LAMA3: variants seen among roughly 807,000 people sequenced by gnomAD.
LAMA3 encodes laminin subunit alpha-3.
Under a neutral mutation model 402.0 loss-of-function variants are expected in LAMA3, and 281 were observed. That is an observed-to-expected ratio of 0.70 (90% CI 0.63 to 0.77). The LOEUF (loss-of-function observed/expected upper bound fraction) is 0.77. Ranked by LOEUF, LAMA3 falls within the 30% of genes least tolerant of loss-of-function variation. The pLI is 0.00. For synonymous variants in LAMA3, 1,431 were observed against 1,558.4 expected, an observed-to-expected ratio of 0.92 and a Z score of 1.93; for missense variants, 3,840 against 4,215.5, an observed-to-expected ratio of 0.91 and a Z score of 2.47.
chr18:23,858,936 T>G (rs1346836072), intron 34 of LAMA3, 107 bp downstream of exon 34: 3 of 1,201,562 alleles, frequency 2.5e-6, no homozygotes, highest in Non-Finnish European at 3.7e-6. Context: ...AATTCTTGTT[T>G]CCTGAATTCG....
Position 23,946,218 on chromosome 18 carries a change from T to A in LAMA3, c.9285T>A (p.Pro3095=), listed in dbSNP as rs367887473. ...TGAGGGCCCGGGAGGGAAGTTTGCCTGGAAACTCCACCATCAGCATCAGAG... is the reference window on the plus strand; with the variant it reads ...TGAGGGCCCGGGAGGGAAGTTTGCCAGGAAACTCCACCATCAGCATCAGAG... ...DGLRAREGSL[P]GNSTISIRAP... Residue 3095 remains proline (P), a synonymous_variant, in exon 70 of 75, where the codon CCT becomes CCA. Transcript: ENST00000313654. 2.7e-5 allele frequency: 43 copies of A among 1,613,954 alleles called. No individual in the cohort carries two copies. The highest frequency in any genetic ancestry group is 3.2e-5 in the Non-Finnish European group (38 of 1,179,984).
chr18:23,911,062 C>T (rs1001317006), intron 55 of LAMA3, among the ~76,000 whole-genome samples: 9 of 136,998 alleles, frequency 6.6e-5, no homozygotes, highest in Non-Finnish European at 4.4e-5. Flanking sequence ...TATTCTTCTC[C>T]CTCCCTTTCC....
rs1044223188 is a variant in LAMA3 at position 23,952,934 on chromosome 18, A to G, written c.9737-56A>G. ...GGAGTTAAAACAAAGTCAATGGTGTAGACATTAAGCAGGGCTCACCTCCGA... is the reference window on the plus strand; with the variant it reads ...GGAGTTAAAACAAAGTCAATGGTGTGGACATTAAGCAGGGCTCACCTCCGA... On this transcript the variant is annotated intron_variant, in intron 73 of 74. Transcript: ENST00000313654. 3.1e-6 allele frequency: 5 copies of G among 1,611,428 alleles called. No homozygotes were observed. The Admixed American group carries it at 6.7e-5, about 21-fold the overall frequency.
At chr18:23,704,600 G>A (rs916630848) in intron 1 of LAMA3, among the ~76,000 whole-genome samples, 2 of 152,218 alleles carry the variant, frequency 1.3e-5, no homozygotes, top group Non-Finnish European at 2.9e-5. Context: ...TTTTGGTAAT[G>A]TGCAGTGGTT....
intron 4 of LAMA3, among the ~76,000 whole-genome samples, chr18:23,750,432 GTTTTTTTTTTTTTTTTTTTTT>G (rs66582854): frequency 1.3e-3 from 42 of 33,032 alleles, no homozygotes; most frequent in Admixed American, 1.8e-3. Flanking sequence ...GGTTTACACA[GTTTTTTTTTTTTTTTTTTTTT>G]TTTTTTTTTT....
At chr18:23,872,573 T>G (rs960674574) in intron 38 of LAMA3, among the ~76,000 whole-genome samples, 3 of 152,194 alleles carry the variant, frequency 2.0e-5, no homozygotes, top group African/African-American at 7.2e-5. Flanking sequence ...GAGTTCCCAC[T>G]TTTTAAACCT....
chr18:23,905,322 C>G (rs1332439848), intron 51 of LAMA3, among the ~76,000 whole-genome samples, 200 bp from the exon 52 acceptor site: 1 of 152,074 alleles, frequency 6.6e-6, no homozygotes, highest in African/African-American at 2.4e-5. Flanking sequence ...GAGATAGGCC[C>G]ACCTCCCCAA....
chr18:23,895,090 G>A (rs376913562), intron 44 of LAMA3, 32 bp downstream of exon 44: 2 of 1,563,054 alleles, frequency 1.3e-6, no homozygotes, highest in Non-Finnish European at 1.7e-6. Context: ...GTAGACACGT[G>A]GGGAGGAGAT....
At chr18:23,819,169 C>T (rs1244751227) in intron 18 of LAMA3, among the ~76,000 whole-genome samples, 7 of 116,718 alleles carry the variant, frequency 6.0e-5, no homozygotes, top group Admixed American at 1.0e-4. Context: ...ACTGGATTGG[C>T]GAAGTGTCTT....
chr18:23,869,280 C>G (rs1255344527), intron 37 of LAMA3, among the ~76,000 whole-genome samples: 1 of 152,174 alleles, frequency 6.6e-6, no homozygotes, highest in Non-Finnish European at 1.5e-5. Context: ...GGGAATGATA[C>G]TAATAGAAAC....
Position 23,939,330 on chromosome 18 carries a change from G to A in LAMA3, c.8970G>A (p.Gly2990=). ...CCAATCATGGAGCCCTCCAGTTTGGGGACATTCCCACCAGCCACTTGCTAT... is the reference window on the plus strand; with the variant it reads ...CCAATCATGGAGCCCTCCAGTTTGGAGACATTCCCACCAGCCACTTGCTAT... ...TQANHGALQF[G]DIPTSHLLFK... Residue 2990 remains glycine, a synonymous_variant, in exon 68 of 75, where the codon GGG becomes GGA. Transcript: ENST00000313654. The A allele has an allele frequency of 6.2e-7, 1 of 1,614,154 alleles. No individual in the cohort carries two copies. The highest frequency in any genetic ancestry group is 8.5e-7 in the Non-Finnish European group (1 of 1,180,024).
intron 42 of LAMA3, among the ~76,000 whole-genome samples, chr18:23,893,117 A>C (rs1425496299): frequency 6.6e-6 from 1 of 152,222 alleles, no homozygotes; most frequent in African/African-American, 2.4e-5. Context: ...AATGTGGTTT[A>C]AAATGTCTGT....
At chr18:23,892,977 T>A (rs1000374869) in intron 42 of LAMA3, among the ~76,000 whole-genome samples, 1 of 150,142 alleles carries the variant, frequency 6.7e-6, no homozygotes, top group East Asian at 1.9e-4. Context: ...TAAATTAAAA[T>A]GTATATAAAT....
At chr18:23,914,945 A>G in intron 58 of LAMA3, 85 bp downstream of exon 58, 2 of 1,132,430 alleles carry the variant, frequency 1.8e-6, no homozygotes, top group Non-Finnish European at 2.6e-6. Context: ...ATTGTTAATT[A>G]CATATAAAAT....
chr18:23,780,359 G>A (rs1364304880), intron 11 of LAMA3, among the ~76,000 whole-genome samples: 1 of 151,702 alleles, frequency 6.6e-6, no homozygotes, highest in Non-Finnish European at 1.5e-5. Flanking sequence ...GAGGGAGGGA[G>A]GGGAGAAAGG....
At chr18:23,751,118 T>C in intron 5 of LAMA3, 30 bp downstream of exon 5, 4 of 1,612,856 alleles carry the variant, frequency 2.5e-6, no homozygotes, top group Non-Finnish European at 3.4e-6. Context: ...GTTTTGTTAC[T>C]TTATTTATTC....
At chr18:23,838,416 A>C (rs28515567) in intron 25 of LAMA3, among the ~76,000 whole-genome samples, 1 of 152,114 alleles carries the variant, frequency 6.6e-6, no homozygotes. Context: ...CACATCCCCT[A>C]TCTTCCTCCC....
At chr18:23,934,935 T>C (rs1284407024) in intron 67 of LAMA3, among the ~76,000 whole-genome samples, 1 of 152,224 alleles carries the variant, frequency 6.6e-6, no homozygotes, top group African/African-American at 2.4e-5. Context: ...AAAATACATG[T>C]TTTATGCTAT....
At position 23,799,718 on chromosome 18, in the gene LAMA3, G is replaced by A. The variant is rs541284603; in HGVS notation, c.1604-10648G>A. On this transcript the variant is annotated intron_variant, in intron 12 of 74. Coordinates refer to ENST00000313654, the MANE Select transcript of LAMA3 (RefSeq NM_198129.4). Reference sequence around the variant, plus strand: ...GTTCTCTAGAGAAACAGAACCAATCGGAGGTGTGTGTGTACGTATGGAGAG... The same window carrying A: ...GTTCTCTAGAGAAACAGAACCAATCAGAGGTGTGTGTGTACGTATGGAGAG... Among the ~76,000 whole-genome samples the A allele has an allele frequency of 5.7e-4, 87 of 152,084 alleles. 3 individuals are homozygous for A. The South Asian group carries it at 8.5e-3, about 15-fold the overall frequency.
Sources: allele counts gnomAD v4.1 joint callset (sites outside exome capture counted in the v4.1 genomes callset), GRCh38; gene constraint gnomAD v4.1.1; transcripts MANE v1.5; gene names NCBI Gene and HGNC (gene_info 2026-07-23, HGNC 2026-07-21).